PALM2AKAP2: variants seen among roughly 807,000 people sequenced by gnomAD.
The protein encoded by PALM2AKAP2 is PALM2 and AKAP2 fusion.
A neutral mutation model predicts 71.5 loss-of-function variants in PALM2AKAP2; 37 were observed. That is an observed-to-expected ratio of 0.52 (90% confidence interval 0.40 to 0.68). PALM2AKAP2 has a LOEUF of 0.68. Among genes scored for constraint, PALM2AKAP2 ranks in the 30% least tolerant of loss-of-function variants. PALM2AKAP2 has a pLI of 0.00. For synonymous variants in PALM2AKAP2, 468 were observed against 478.8 expected (o/e 0.98, Z 0.29); for missense variants, 1,224 against 1,191.8 (o/e 1.03, Z -0.40).
At chr9:109,687,950 T>G (rs576194148) in intron 1 of PALM2AKAP2, among the ~76,000 whole-genome samples, 117 of 152,268 alleles carry the variant, frequency 7.7e-4, no homozygotes, top group African/African-American at 2.7e-3. Flanking sequence ...TAGAGAGGCT[T>G]AAGGAGAGGG....
chr9:109,932,170 G>C (rs1831119096), intron 6 of PALM2AKAP2, 142 bp downstream of exon 6: 1 of 900,876 alleles, frequency 1.1e-6, no homozygotes, highest in Non-Finnish European at 1.6e-6. Flanking sequence ...CCTTCACAGT[G>C]GCCACACAAG....
At chr9:109,710,457 G>T (rs776588892) in intron 1 of PALM2AKAP2, among the ~76,000 whole-genome samples, 12 of 152,210 alleles carry the variant, frequency 7.9e-5, no homozygotes, top group Non-Finnish European at 1.8e-4. Flanking sequence ...GTCAGCATTT[G>T]GTAACAGGAA....
At chr9:110,155,112 C>T (rs886345014) in intron 2 of PALM2AKAP2, among the ~76,000 whole-genome samples, 8 of 152,172 alleles carry the variant, frequency 5.3e-5, no homozygotes, top group African/African-American at 1.9e-4. Flanking sequence ...GCTAAGCAGC[C>T]CATATGGAAA....
intron 1 of PALM2AKAP2, among the ~76,000 whole-genome samples, chr9:110,055,629 A>G (rs1833821871): frequency 6.6e-6 from 1 of 152,160 alleles, no homozygotes; most frequent in African/African-American, 2.4e-5. Context: ...CAAAATATGA[A>G]TTTTAGGGAG....
chr9:109,656,583 T>C (rs1023393809), intron 1 of PALM2AKAP2, among the ~76,000 whole-genome samples: 6 of 152,100 alleles, frequency 3.9e-5, no homozygotes, highest in African/African-American at 1.2e-4. Flanking sequence ...AAGGAAACTA[T>C]TGGGGGATTT....
intron 1 of PALM2AKAP2, among the ~76,000 whole-genome samples, chr9:109,681,485 G>A (rs1294654563): frequency 3.9e-5 from 6 of 152,192 alleles, no homozygotes; most frequent in Non-Finnish European, 8.8e-5. Flanking sequence ...TGTCACAGTG[G>A]GGTTGTAGAG....
intron 3 of PALM2AKAP2, among the ~76,000 whole-genome samples, chr9:109,919,007 G>A (rs766335277): frequency 2.6e-5 from 4 of 152,296 alleles, no homozygotes; most frequent in East Asian, 1.9e-4. Context: ...AGGGCACCCC[G>A]TGGAGACAGG....
chr9:110,159,575 G>A (rs1836545358), intron 3 of PALM2AKAP2, among the ~76,000 whole-genome samples: 1 of 152,152 alleles, frequency 6.6e-6, no homozygotes, highest in Admixed American at 6.5e-5. Context: ...AACAAGACAG[G>A]CGCTGATCAT....
At chr9:109,823,315 G>T (rs1443608165) in intron 1 of PALM2AKAP2, among the ~76,000 whole-genome samples, 1 of 152,176 alleles carries the variant, frequency 6.6e-6, no homozygotes, top group Non-Finnish European at 1.5e-5. Flanking sequence ...ATATGGTTCT[G>T]ACTTGAGCTG....
At chr9:110,104,944 A>T (rs1027900415) in intron 1 of PALM2AKAP2, among the ~76,000 whole-genome samples, 6 of 152,172 alleles carry the variant, frequency 3.9e-5, no homozygotes, top group African/African-American at 1.4e-4. Context: ...TCTCTCTAGA[A>T]CTCAAGCTCC....
chr9:109,849,681 G>A (rs935795937), intron 1 of PALM2AKAP2, among the ~76,000 whole-genome samples: 1 of 152,082 alleles, frequency 6.6e-6, no homozygotes, highest in Non-Finnish European at 1.5e-5. Context: ...ACTTGAACCC[G>A]GGAGGCGAAG....
At chr9:110,015,566 A>G (rs1442906820) in intron 6 of PALM2AKAP2, among the ~76,000 whole-genome samples, 1 of 152,200 alleles carries the variant, frequency 6.6e-6, no homozygotes, top group African/African-American at 2.4e-5. Context: ...AGATCATGCC[A>G]TTGCACCCCA....
chr9:109,804,606 C>T (rs1330719517), intron 1 of PALM2AKAP2, among the ~76,000 whole-genome samples: 3 of 152,104 alleles, frequency 2.0e-5, no homozygotes, highest in Non-Finnish European at 4.4e-5. Flanking sequence ...TCTTCTATTA[C>T]GTACACATTT....
At chr9:110,164,649 A>G (rs140066413) in intron 3 of PALM2AKAP2, among the ~76,000 whole-genome samples, 38 of 151,238 alleles carry the variant, frequency 2.5e-4, no homozygotes, top group African/African-American at 8.5e-4. Flanking sequence ...TCATGCCTCA[A>G]CCTCCTAAGT....
At chr9:109,855,047 C>T (rs1829125174) in intron 1 of PALM2AKAP2, among the ~76,000 whole-genome samples, 3 of 151,344 alleles carry the variant, frequency 2.0e-5, no homozygotes, top group African/African-American at 4.9e-5. Flanking sequence ...GGATTACAGG[C>T]GTGAGCCACC....
chr9:110,037,887 C>T (rs1588071754), intron 7 of PALM2AKAP2, among the ~76,000 whole-genome samples: 1 of 152,248 alleles, frequency 6.6e-6, no homozygotes, highest in South Asian at 2.1e-4. Context: ...AATAAGCTGA[C>T]ATATAAATTT....
chr9:110,006,751 A>G (rs1440331719), intron 6 of PALM2AKAP2, among the ~76,000 whole-genome samples: 2 of 152,160 alleles, frequency 1.3e-5, no homozygotes, highest in Non-Finnish European at 2.9e-5. Flanking sequence ...CTGCCATTCC[A>G]ATCTACATGT....
At chr9:109,697,117 A>G (rs2118565951) in intron 1 of PALM2AKAP2, among the ~76,000 whole-genome samples, 1 of 152,256 alleles carries the variant, frequency 6.6e-6, no homozygotes, top group South Asian at 2.1e-4. Flanking sequence ...CTCACCTAAG[A>G]CATTCATCAA....
intron 1 of PALM2AKAP2, among the ~76,000 whole-genome samples, chr9:109,742,060 T>C (rs1230098087): frequency 6.6e-6 from 1 of 152,196 alleles, no homozygotes; most frequent in African/African-American, 2.4e-5. Flanking sequence ...ACATCTTGCT[T>C]TTATTTTTAT....
Sources: gnomAD v4.1 joint callset for allele counts (sites outside exome capture counted in the v4.1 genomes callset) on GRCh38, gnomAD v4.1.1 for gene constraint, MANE v1.5 for transcripts, NCBI Gene and HGNC (gene_info 2026-07-23, HGNC 2026-07-21) for gene names.